Variants in RCAN1 observed in about 807,000 individuals in gnomAD.
The protein encoded by RCAN1 is regulator of calcineurin 1.
Under a neutral mutation model 22.9 loss-of-function variants are expected in RCAN1, and 11 were observed. The ratio of observed to expected loss-of-function variants is 0.48; its 90% CI spans 0.30 to 0.79. The LOEUF (loss-of-function observed/expected upper bound fraction) is 0.79, where lower values mean the gene tolerates loss of function less well. Ranked by LOEUF, RCAN1 falls within the 30% of genes least tolerant of loss-of-function variation. The probability of loss-of-function intolerance (pLI) is 0.06; values close to 1 mark genes in which losing one functional copy is unlikely to be tolerated. For synonymous variants in RCAN1, 136 were observed against 142.3 expected, an observed-to-expected ratio of 0.96 and a Z score of 0.32; for missense variants, 291 against 337.8, an observed-to-expected ratio of 0.86 and a Z score of 1.09.
At chr21:34,594,536 G>A (rs1028053179) in intron 1 of RCAN1, among the ~76,000 whole-genome samples, 7 of 151,646 alleles carry the variant, frequency 4.6e-5, no homozygotes, top group African/African-American at 1.5e-4. Flanking sequence ...TGGCAACAGA[G>A]GGAGACTCCA....
At chr21:34,596,863 G>T (rs1988175405) in intron 1 of RCAN1, among the ~76,000 whole-genome samples, 1 of 152,232 alleles carries the variant, frequency 6.6e-6, no homozygotes, top group Non-Finnish European at 1.5e-5. Flanking sequence ...CCACACTAGG[G>T]AAGGTGTCTG....
At chr21:34,539,117 G>A (rs1436604032) in intron 1 of RCAN1, among the ~76,000 whole-genome samples, 1 of 152,136 alleles carries the variant, frequency 6.6e-6, no homozygotes, top group African/African-American at 2.4e-5. Context: ...AGTATAAACC[G>A]CATCAACTCA....
rs1988744729 is a variant in RCAN1, at chr21:34,613,835, CT to C, written c.252+924del. The C allele has an allele frequency of 2.0e-6, 3 of 1,478,050 alleles. No individual in the cohort carries two copies. The East Asian group carries it at 7.6e-5, about 38-fold the overall frequency. The allele number at this position is 1,478,050 out of a possible 1,614,324, so 91.6% of individuals were successfully genotyped here. On this transcript the variant is annotated intron_variant, in intron 1 of 3. Coordinates refer to ENST00000313806, the MANE Select transcript of RCAN1 (RefSeq NM_004414.7). ...GTGTTGTATTGGCAGCAGCCTTCAACTATAGTTCATTGACAGCATTTGTGGA... is the reference window on the plus strand; with the variant it reads ...GTGTTGTATTGGCAGCAGCCTTCAACATAGTTCATTGACAGCATTTGTGGA...
intron 1 of RCAN1, among the ~76,000 whole-genome samples, chr21:34,606,465 G>A (rs1988530795): frequency 6.6e-6 from 1 of 151,884 alleles, no homozygotes; most frequent in Non-Finnish European, 1.5e-5. Context: ...ACATAAATAG[G>A]GTACTTAATA....
Position 34,581,739 on chromosome 21 carries a change from G to A in RCAN1, c.252+33021C>T, listed in dbSNP as rs115231747. On this transcript the variant is annotated intron_variant, in intron 1 of 3. Transcript: ENST00000313806. ...CACTTTGCATGAAAGTTTTAATACCGTTATTCATGAAAAAAATCTTTGAAA... is the reference window on the plus strand; with the variant it reads ...CACTTTGCATGAAAGTTTTAATACCATTATTCATGAAAAAAATCTTTGAAA... 5.0e-3 allele frequency among the ~76,000 whole-genome samples: 761 copies of A among 152,214 alleles called. 4 individuals carry two copies. Among genetic ancestry groups the A allele is most frequent in the African/African-American group, 0.017 (717 of 41,514 alleles).
intron 1 of RCAN1, among the ~76,000 whole-genome samples, chr21:34,553,465 T>C (rs1240330104): frequency 3.9e-5 from 6 of 152,226 alleles, no homozygotes; most frequent in African/African-American, 1.2e-4. Flanking sequence ...CGCTGGCCAC[T>C]GAAACCTTTT....
At chr21:34,613,480 T>C (rs1301484907) in intron 1 of RCAN1, among the ~76,000 whole-genome samples, 1 of 152,224 alleles carries the variant, frequency 6.6e-6, no homozygotes, top group Admixed American at 6.5e-5. Flanking sequence ...CAACACAATT[T>C]CAGGATTGTA....
At chr21:34,601,850 T>A (rs1363200304) in intron 1 of RCAN1, among the ~76,000 whole-genome samples, 1 of 149,672 alleles carries the variant, frequency 6.7e-6, no homozygotes, top group Non-Finnish European at 1.5e-5. Flanking sequence ...AGGTGAATGC[T>A]GTCCACATTC....
intron 1 of RCAN1, chr21:34,526,790 C>A: frequency 6.3e-7 from 1 of 1,590,068 alleles, no homozygotes; most frequent in Non-Finnish European, 8.6e-7. Flanking sequence ...CCCACGCAGT[C>A]AAGCCCCTAG....
In RCAN1 at chr21:34,532,551, A is replaced by C. The variant is rs9680362; in HGVS notation, c.253-8841T>G. Among the ~76,000 whole-genome samples, 634 of 152,350 alleles carry C rather than the reference A, an allele frequency of 4.2e-3. 6 individuals are homozygous for C. The highest frequency in any genetic ancestry group is 0.015 in the African/African-American group (608 of 41,580). ...CTTGATAGTCCTGGTGCTGGTACAA[A>C]ATAGTCTCTCAAAAATGCCAGCTAA... On this transcript the variant is annotated intron_variant, in intron 1 of 3. Coordinates refer to ENST00000313806, the MANE Select transcript of RCAN1 (RefSeq NM_004414.7).
intron 1 of RCAN1, among the ~76,000 whole-genome samples, chr21:34,542,023 A>C (rs1465373277): frequency 6.6e-6 from 1 of 152,182 alleles, no homozygotes; most frequent in Non-Finnish European, 1.5e-5. Flanking sequence ...AAATAAATAC[A>C]TTGGACAAAA....
chr21:34,593,095 A>G (rs936728920), intron 1 of RCAN1, among the ~76,000 whole-genome samples: 1 of 152,218 alleles, frequency 6.6e-6, no homozygotes, highest in East Asian at 1.9e-4. Context: ...CTAGATTACA[A>G]TAACATTTGA....
At chr21:34,578,884 T>C (rs1987506448) in intron 1 of RCAN1, among the ~76,000 whole-genome samples, 1 of 151,856 alleles carries the variant, frequency 6.6e-6, no homozygotes, top group Admixed American at 6.6e-5. Flanking sequence ...GGGTTTCCCA[T>C]CCCGACTCCA....
chr21:34,526,684 G>A (rs1240681469), intron 1 of RCAN1: 6 of 1,613,412 alleles, frequency 3.7e-6, no homozygotes, highest in Non-Finnish European at 5.1e-6. Flanking sequence ...TTTCGCTGAA[G>A]ATATCACTGT....
At chr21:34,606,911 A>C (rs1275347809) in intron 1 of RCAN1, among the ~76,000 whole-genome samples, 2 of 152,194 alleles carry the variant, frequency 1.3e-5, no homozygotes, top group Non-Finnish European at 2.9e-5. Context: ...AAGCCTCCTA[A>C]TCTGTGTTTT....
intron 1 of RCAN1, among the ~76,000 whole-genome samples, chr21:34,549,749 G>A (rs991568918): frequency 2.0e-5 from 3 of 152,184 alleles, no homozygotes; most frequent in Admixed American, 6.5e-5. Flanking sequence ...TTTCTGAGCG[G>A]AGCTAAGGGG....
intron 1 of RCAN1, among the ~76,000 whole-genome samples, chr21:34,613,454 T>C (rs1358157209): frequency 1.3e-5 from 2 of 152,228 alleles, no homozygotes; most frequent in African/African-American, 4.8e-5. Context: ...GCTAGCGAAG[T>C]GGGCAAACTT....
At chr21:34,542,212 T>C (rs908413433) in intron 1 of RCAN1, among the ~76,000 whole-genome samples, 2 of 152,194 alleles carry the variant, frequency 1.3e-5, no homozygotes, top group African/African-American at 4.8e-5. Flanking sequence ...CCACATGCTC[T>C]CCTACAGCCT....
At chr21:34,573,066 C>T (rs914155430) in intron 1 of RCAN1, among the ~76,000 whole-genome samples, 1 of 152,134 alleles carries the variant, frequency 6.6e-6, no homozygotes, top group African/African-American at 2.4e-5. Flanking sequence ...CCTCCTAGAT[C>T]CAAGCAAATG....
Sources: gnomAD v4.1 joint callset for allele counts (sites outside exome capture counted in the v4.1 genomes callset) on GRCh38, gnomAD v4.1.1 for gene constraint, MANE v1.5 for transcripts, NCBI Gene and HGNC (gene_info 2026-07-23, HGNC 2026-07-21) for gene names.